MYO9B: variants seen among roughly 807,000 people sequenced by gnomAD.
MYO9B encodes myosin IXB.
A neutral mutation model predicts 229.5 loss-of-function variants in MYO9B; 71 were observed. The ratio of observed to expected loss-of-function variants is 0.31; its 90% confidence interval spans 0.26 to 0.38. The LOEUF is 0.38. Ranked by LOEUF, MYO9B falls within the 10% of genes least tolerant of loss-of-function variation. MYO9B has a pLI of 1.00. For missense variants in MYO9B, 2,255 were observed against 2,920.5 expected (o/e 0.77, Z 5.25); for synonymous variants, 1,185 against 1,235.8 (o/e 0.96, Z 0.86).
At chr19:17,181,103 C>A in intron 15 of MYO9B, 63 bp downstream of exon 15, 1 of 1,167,260 alleles carries the variant, frequency 8.6e-7, no homozygotes, top group Non-Finnish European at 1.2e-6. Context: ...CTCCTGCGAC[C>A]CCGGCGGGGC....
chr19:17,142,394 C>T (rs143194848), intron 2 of MYO9B, among the ~76,000 whole-genome samples: 10 of 152,134 alleles, frequency 6.6e-5, no homozygotes, highest in Middle Eastern at 3.4e-3. Flanking sequence ...GATGGCTGCA[C>T]AACATTGTGA....
At chr19:17,081,211 A>G (rs1600011258) in intron 1 of MYO9B, among the ~76,000 whole-genome samples, 1 of 152,048 alleles carries the variant, frequency 6.6e-6, no homozygotes, top group East Asian at 1.9e-4. Flanking sequence ...TATTTTTAGT[A>G]GAGATGGGCT....
intron 1 of MYO9B, among the ~76,000 whole-genome samples, chr19:17,084,048 A>G (rs2057559289): frequency 7.3e-6 from 1 of 137,882 alleles, no homozygotes; most frequent in African/African-American, 2.6e-5. Flanking sequence ...TGGGTTAATA[A>G]CCCTTTGGGG....
chr19:17,194,544 T>C lies in MYO9B; in HGVS notation c.3129-12T>C. 6.2e-7 allele frequency: 1 copy of C among 1,611,244 alleles called. No individual in the cohort carries two copies. Among genetic ancestry groups the C allele is most frequent in the South Asian group, 1.1e-5 (1 of 90,798 alleles). On this transcript the variant is annotated splice_polypyrimidine_tract_variant and intron_variant, in intron 21 of 39. Coordinates refer to ENST00000682292, the MANE Select transcript of MYO9B (RefSeq NM_004145.4). Reference sequence around the variant, plus strand: ...GTTTCTGAACCAGCTGTCTGCTTTTTCCTCACTCCAGCTTCAGCCAGATGA... The same window carrying C: ...GTTTCTGAACCAGCTGTCTGCTTTTCCCTCACTCCAGCTTCAGCCAGATGA...
Position 17,183,756 on chromosome 19 carries a change from G to A in MYO9B, c.2334-73G>A. On this transcript the variant is annotated intron_variant, in intron 15 of 39. Transcript: ENST00000682292. ...TCTCTCAGTCTAACCCGCCAGGCGT[G>A]GCTTGCTGAACTAACCCAAATCCCG... The A allele has an allele frequency of 2.2e-6, 3 of 1,336,336 alleles. No individual in the cohort carries two copies. The South Asian group carries it at 4.1e-5, about 18-fold the overall frequency. The allele number at this position is 1,336,336 out of a possible 1,614,324, so 82.8% of individuals were successfully genotyped here.
rs200377133 is a variant in MYO9B at position 17,200,459 on chromosome 19, A to G, written c.4372+33A>G. ...GCCTGCAGCCTCAGGGACAGACAGT[A>G]GAGCCACCAGTGCCCCTGGGGACAT... On this transcript the variant is annotated intron_variant, in intron 25 of 39. Coordinates refer to ENST00000682292, the MANE Select transcript of MYO9B (RefSeq NM_004145.4). 5.8e-4 allele frequency: 900 copies of G among 1,547,922 alleles called. 1 individual carries two copies. The African/African-American group carries it at 0.01, about 17-fold the overall frequency.
intron 8 of MYO9B, among the ~76,000 whole-genome samples, chr19:17,160,164 A>G (rs1280029129): frequency 6.6e-6 from 1 of 152,124 alleles, no homozygotes. Flanking sequence ...CACGGCAGGG[A>G]TTTTTAGCCC....
Position 17,101,590 on chromosome 19 carries a change from T to G in MYO9B, c.-58-70T>G. On this transcript the variant is annotated intron_variant, in intron 1 of 39. Coordinates refer to ENST00000682292, the MANE Select transcript of MYO9B (RefSeq NM_004145.4). The surrounding 1 kb of genome is among the most constrained non-coding windows in gnomAD (Gnocchi z 4.7). ...GGGTCAGGTGCTATCTGCCCAGGAG[T>G]GGGACTCCACATGCCCCTTAAACTT... 1 of 1,372,346 alleles carries G rather than the reference T, an allele frequency of 7.3e-7. No individual in the cohort carries two copies. The highest frequency in any genetic ancestry group is 1.5e-5 in the South Asian group (1 of 65,474). 85.0% of individuals were successfully genotyped at this position (1,372,346 alleles called of 1,614,324 possible).
chr19:17,129,523 G>A (rs1049829353), intron 2 of MYO9B, among the ~76,000 whole-genome samples: 1 of 152,208 alleles, frequency 6.6e-6, no homozygotes, highest in Non-Finnish European at 1.5e-5. Context: ...GTGGCTAAAC[G>A]TAACCAAACG....
chr19:17,198,670 G>A (rs148596505), intron 24 of MYO9B, among the ~76,000 whole-genome samples: 2,577 of 150,774 alleles, frequency 0.017, 72 homozygotes, highest in African/African-American at 0.06. Flanking sequence ...GGGAGGTGGA[G>A]GTTGCAGTGA....
Position 17,191,227 on chromosome 19 carries a change from C to T in MYO9B, c.2811+8C>T. 1 of 1,609,956 alleles carries T rather than the reference C, an allele frequency of 6.2e-7. No individual in the cohort carries two copies. Among genetic ancestry groups the T allele is most frequent in the South Asian group, 1.1e-5 (1 of 90,468 alleles). On this transcript the variant is annotated splice_region_variant and intron_variant, in intron 20 of 39. Transcript: ENST00000682292. ...CAGATCGGGAAGACCAAGGTCAGCG[C>T]TCCTGCCCCTCGGGGCACTACAAAC...
At chr19:17,176,705 A>G (rs2072793806) in intron 14 of MYO9B, among the ~76,000 whole-genome samples, 2 of 152,096 alleles carry the variant, frequency 1.3e-5, no homozygotes, top group Non-Finnish European at 2.9e-5. Flanking sequence ...TGGTGCGGAG[A>G]GACGGGCTTG....
chr19:17,200,057 G>C (rs2073090446), intron 24 of MYO9B, among the ~76,000 whole-genome samples: 1 of 151,686 alleles, frequency 6.6e-6, no homozygotes, highest in South Asian at 2.1e-4. Context: ...ATTTGTAATA[G>C]AGACAGGGTT....
At chr19:17,146,449 G>A (rs1307610720) in intron 3 of MYO9B, among the ~76,000 whole-genome samples, 2 of 151,920 alleles carry the variant, frequency 1.3e-5, no homozygotes, top group Non-Finnish European at 2.9e-5. Flanking sequence ...ACAGGTGGCT[G>A]GATAGATGGA....
intron 1 of MYO9B, among the ~76,000 whole-genome samples, chr19:17,100,138 C>T (rs1217120522): frequency 6.7e-6 from 1 of 149,098 alleles, no homozygotes; most frequent in Admixed American, 6.7e-5. Context: ...AAAAAAAAGC[C>T]CAGACTTCAC....
chr19:17,093,687 GGGGGGT>G (rs139997218), intron 1 of MYO9B, among the ~76,000 whole-genome samples: 20,592 of 60,086 alleles, frequency 0.34, 1,791 homozygotes, highest in African/African-American at 0.44. Flanking sequence ...GTTTTTTTGC[GGGGGGT>G]GGGGGGGGGG....
intron 3 of MYO9B, among the ~76,000 whole-genome samples, chr19:17,146,570 G>A (rs2072414275): frequency 1.3e-5 from 2 of 151,990 alleles, no homozygotes; most frequent in Non-Finnish European, 2.9e-5. Context: ...TAGATAGATG[G>A]ATTCATGGGT....
chr19:17,090,372 A>G (rs1209438521), intron 1 of MYO9B, among the ~76,000 whole-genome samples: 2 of 151,832 alleles, frequency 1.3e-5, no homozygotes, highest in Non-Finnish European at 2.9e-5. Flanking sequence ...GCTGGTCTTG[A>G]ACTCATGAGC....
Position 17,202,155 on chromosome 19 carries a change from A to G in MYO9B, c.4688A>G (p.Lys1563Arg), listed in dbSNP as rs1213514732. Residue 1563 changes from lysine (K) to arginine (R), a missense_variant, in exon 28 of 40, where the codon AAG becomes AGG. By Grantham distance (26) the Lys-to-Arg change is conservative (BLOSUM62 2). Coordinates refer to ENST00000682292, the MANE Select transcript of MYO9B (RefSeq NM_004145.4). ...AACGGGAAGATCCACGTGGGCTACAAGGATCTGATGGAGAACTACCAGATC... is the reference window on the plus strand; with the variant it reads ...AACGGGAAGATCCACGTGGGCTACAGGGATCTGATGGAGAACTACCAGATC... ...VPNGKIHVGYKDLMENYQIVV... is the reference protein window; with the variant it reads ...VPNGKIHVGYRDLMENYQIVV... 1.9e-6 allele frequency: 3 copies of G among 1,613,806 alleles called. No individual in the cohort carries two copies. The highest frequency in any genetic ancestry group is 1.3e-5 in the African/African-American group (1 of 75,028).
Sources: gnomAD v4.1 joint callset for allele counts (sites outside exome capture counted in the v4.1 genomes callset) on GRCh38, gnomAD v4.1.1 for gene constraint, Gnocchi (gnomAD v3.1) non-coding constraint, MANE v1.5 for transcripts, NCBI Gene and HGNC (gene_info 2026-07-23, HGNC 2026-07-21) for gene names.